MYH14: variants seen among roughly 807,000 people sequenced by gnomAD.
The protein encoded by MYH14 is myosin heavy chain 14.
In MYH14, 123 loss-of-function variants were observed where a neutral mutation model predicts 255.5. The ratio of observed to expected loss-of-function variants is 0.48; its 90% CI spans 0.42 to 0.56. The LOEUF (loss-of-function observed/expected upper bound fraction) is 0.56, where lower values mean the gene tolerates loss of function less well. MYH14 is among the 20% of genes least tolerant of loss of function. The pLI, the probability that MYH14 is intolerant of heterozygous loss-of-function variation, is 0.00. For missense variants in MYH14, 2,423 were observed against 2,802.3 expected, an observed-to-expected ratio of 0.86 and a Z score of 3.06; for synonymous variants, 1,095 against 1,161.2, an observed-to-expected ratio of 0.94 and a Z score of 1.16.
Position 50,291,359 on chromosome 19 carries a change from C to T in MYH14, c.5127+311C>T, listed in dbSNP as rs566276233. 3.3e-5 allele frequency among the ~76,000 whole-genome samples: 5 copies of T among 151,050 alleles called. No homozygotes were observed. In the East Asian group the frequency reaches 7.8e-4, roughly 24 times the overall value. On this transcript the variant is annotated intron_variant, in intron 36 of 42. Transcript: ENST00000642316. Reference sequence around the variant, plus strand: ...TTCTGTCACCCAGGCTGGAGTGCAGCGACGTGATCTCAGCTCACAGCAACT... The same window carrying T: ...TTCTGTCACCCAGGCTGGAGTGCAGTGACGTGATCTCAGCTCACAGCAACT...
intron 22 of MYH14, among the ~76,000 whole-genome samples, chr19:50,264,092 A>G (rs1226303173): frequency 3.0e-4 from 43 of 142,726 alleles, no homozygotes; most frequent in Admixed American, 6.4e-4. Flanking sequence ...AAGGTTAAAA[A>G]AAAAAAAAAA....
In MYH14 at chr19:50,278,193, G is replaced by A. The variant is rs1046901150; in HGVS notation, c.3936G>A (p.Arg1312=). The part of the protein sequence containing the change: ...QTARQEGEQR[R]RRLELQLQEV... The stretch of plus-strand genomic sequence containing the variant: ...CACGTCAGGAGGGTGAGCAGCGGAG[G>A]CGCCGCCTGGAGTTACAGCTGCAGG... The change falls in exon 30 of 43, where the codon AGG becomes AGA. Residue 1312 remains arginine, a synonymous_variant. Coordinates refer to ENST00000642316, the MANE Select transcript of MYH14 (RefSeq NM_001145809.2). 1.7e-5 allele frequency: 28 copies of A among 1,610,952 alleles called. No homozygotes were observed. The highest frequency in any genetic ancestry group is 2.4e-5 in the Non-Finnish European group (28 of 1,178,824).
chr19:50,233,925 C>G (rs1454854508), intron 10 of MYH14, among the ~76,000 whole-genome samples: 1 of 151,740 alleles, frequency 6.6e-6, no homozygotes, highest in Non-Finnish European at 1.5e-5. Flanking sequence ...AAGCGATTCT[C>G]CTGCCTCAGC....
chr19:50,251,439 T>C (rs1054255595), intron 15 of MYH14, among the ~76,000 whole-genome samples: 2 of 148,376 alleles, frequency 1.3e-5, no homozygotes, highest in Non-Finnish European at 2.9e-5. Flanking sequence ...TATGAAGACA[T>C]AAATGAAGGT....
At chr19:50,296,984 T>TTTTG (rs1297941166) in intron 39 of MYH14, among the ~76,000 whole-genome samples, 6 of 151,628 alleles carry the variant, frequency 4.0e-5, no homozygotes, top group Admixed American at 6.6e-5. Flanking sequence ...CTCTGTTTTT[T>TTTTG]TTTGTTTGTT....
At chr19:50,289,096 G>C (rs925867103) in intron 34 of MYH14, among the ~76,000 whole-genome samples, 23 of 152,108 alleles carry the variant, frequency 1.5e-4, no homozygotes, top group African/African-American at 5.6e-4. Context: ...AATTCCCAGT[G>C]AGTGAGCTCA....
intron 36 of MYH14, 47 bp downstream of exon 36, chr19:50,291,095 A>G: frequency 6.3e-7 from 1 of 1,591,446 alleles, no homozygotes. Flanking sequence ...TGGTGTCTTC[A>G]AGCCCCAACC....
chr19:50,235,835 G>C (rs1012863630), intron 10 of MYH14, among the ~76,000 whole-genome samples: 4 of 152,020 alleles, frequency 2.6e-5, no homozygotes, highest in Non-Finnish European at 5.9e-5. Flanking sequence ...TCCCATGGAA[G>C]GATGCTCTGG....
At chr19:50,229,967 T>A (rs572788123) in intron 8 of MYH14, among the ~76,000 whole-genome samples, 3 of 152,076 alleles carry the variant, frequency 2.0e-5, no homozygotes, top group African/African-American at 7.2e-5. Context: ...CAGGCTGGAG[T>A]GCAGTGGCGC....
intron 24 of MYH14, among the ~76,000 whole-genome samples, chr19:50,269,057 TA>T (rs150309269): frequency 0.025 from 3,801 of 152,352 alleles, 149 homozygotes; most frequent in African/African-American, 0.084. Flanking sequence ...CAAACATGCT[TA>T]AAAGCTTTTC....
rs774261643 is a variant in MYH14 at position 50,290,913 on chromosome 19, TGAG to T, written c.4996_4998del (p.Glu1666del). ...TGAGAGATGCAGAGGTGGAGCGGGA[TGAG>T]GAGCGGAAGCAGCGCACTCTGGCCG... On this transcript the variant is annotated inframe_deletion, in exon 36 of 43. Transcript: ENST00000642316. The T allele has an allele frequency of 2.5e-6, 4 of 1,571,886 alleles. No homozygotes were observed.
At chr19:50,208,507 A>C (rs2031968853) in intron 1 of MYH14, among the ~76,000 whole-genome samples, 1 of 150,966 alleles carries the variant, frequency 6.6e-6, no homozygotes, top group African/African-American at 2.5e-5. Flanking sequence ...TCTGTAAAAA[A>C]ATAAAAAAGA....
chr19:50,276,306 A>G lies in MYH14; in HGVS notation c.3680+103A>G. Reference sequence around the variant, plus strand: ...GTCTATACAGAGGCTTACTTATTGTACAGTTGTTCATGAACCACCGGCTCT... The same window carrying G: ...GTCTATACAGAGGCTTACTTATTGTGCAGTTGTTCATGAACCACCGGCTCT... On this transcript the variant is annotated intron_variant, in intron 28 of 42. Transcript: ENST00000642316. The surrounding 1 kb of genome is among the most constrained non-coding windows in gnomAD (Gnocchi z 4.3). 1.0e-6 allele frequency: 1 copy of G among 968,734 alleles called. No homozygotes were observed. Among genetic ancestry groups the G allele is most frequent in the Non-Finnish European group, 1.5e-6 (1 of 674,468 alleles). The allele number at this position is 968,734 out of a possible 1,614,324, so 60.0% of individuals were successfully genotyped here.
rs781605757 is a variant in MYH14, at chr19:50,276,728, C to T, written c.3681-29C>T. The T allele has an allele frequency of 6.2e-7, 1 of 1,612,844 alleles. No homozygotes were observed. The highest frequency in any genetic ancestry group is 1.3e-5 in the African/African-American group (1 of 74,902). ...CCCTGCCTTCCTCTGCTCTGAAATT[C>T]CCATCCTCTCTCCTTTCCCCCAATA... On this transcript the variant is annotated intron_variant, in intron 28 of 42. Transcript: ENST00000642316. This position sits in a 1 kb window ranked among gnomAD's most constrained non-coding sequence, Gnocchi z 4.3.
At chr19:50,256,107 G>A (rs962272146) in intron 17 of MYH14, among the ~76,000 whole-genome samples, 5 of 151,802 alleles carry the variant, frequency 3.3e-5, no homozygotes, top group South Asian at 2.1e-4. Flanking sequence ...GGAAGACCCC[G>A]TCTCTACAAA....
intron 1 of MYH14, among the ~76,000 whole-genome samples, chr19:50,209,140 G>A (rs906040410): frequency 2.6e-5 from 4 of 151,756 alleles, no homozygotes; most frequent in East Asian, 3.9e-4. Flanking sequence ...CCTGAGCAAC[G>A]GAGTGAAACC....
intron 10 of MYH14, among the ~76,000 whole-genome samples, chr19:50,239,081 G>A (rs1313773101): frequency 3.3e-5 from 5 of 152,238 alleles, no homozygotes; most frequent in South Asian, 2.1e-4. Flanking sequence ...GTACAGTGGC[G>A]CGATCTCAGC....
At chr19:50,242,007 G>A (rs767201013) in intron 10 of MYH14, among the ~76,000 whole-genome samples, 16 of 152,208 alleles carry the variant, frequency 1.1e-4, no homozygotes, top group African/African-American at 2.7e-4. Context: ...GTATTTATAC[G>A]TAAAACTGTT....
intron 24 of MYH14, among the ~76,000 whole-genome samples, 156 bp downstream of exon 24, chr19:50,268,523 C>G (rs973397344): frequency 6.6e-6 from 1 of 152,228 alleles, no homozygotes; most frequent in Non-Finnish European, 1.5e-5. Flanking sequence ...TGATTCAGAT[C>G]GCGGGAGACC....
Sources: allele counts gnomAD v4.1 joint callset (sites outside exome capture counted in the v4.1 genomes callset), GRCh38; gene constraint gnomAD v4.1.1; non-coding constraint Gnocchi (gnomAD v3.1); transcripts MANE v1.5; gene names NCBI Gene and HGNC (gene_info 2026-07-23, HGNC 2026-07-21).